MRPL1: variants seen among roughly 807,000 people sequenced by gnomAD.
MRPL1 encodes the protein mitochondrial ribosomal protein L1, also known as large ribosomal subunit protein uL1m.
MRPL1 carries 28 observed loss-of-function variants against 38.0 expected under a neutral mutation model. The ratio of observed to expected loss-of-function variants is 0.74; its 90% CI spans 0.55 to 1.01. The LOEUF is 1.01. Ranked by LOEUF, MRPL1 falls within the 50% of genes least tolerant of loss-of-function variation. The pLI is 0.00. For synonymous variants in MRPL1, 123 were observed against 126.7 expected, an observed-to-expected ratio of 0.97 and a Z score of 0.20; for missense variants, 358 against 389.8, an observed-to-expected ratio of 0.92 and a Z score of 0.69.
intron 5 of MRPL1, among the ~76,000 whole-genome samples, chr4:77,891,489 G>A (rs1735806707): frequency 6.6e-6 from 1 of 151,910 alleles, no homozygotes; most frequent in African/African-American, 2.4e-5. Context: ...CCTAGTAGCT[G>A]GGATTACAGG....
chr4:77,928,009 G>A (rs1228373111), intron 7 of MRPL1, among the ~76,000 whole-genome samples: 1 of 152,142 alleles, frequency 6.6e-6, no homozygotes, highest in Non-Finnish European at 1.5e-5. Context: ...TAAAAGCAAA[G>A]CCTTTGATAT....
chr4:77,890,074 C>T (rs1735772445), intron 5 of MRPL1, among the ~76,000 whole-genome samples: 1 of 152,170 alleles, frequency 6.6e-6, no homozygotes, highest in African/African-American at 2.4e-5. Context: ...GGTACCATTC[C>T]TTCTGAAACT....
At chr4:77,937,300 G>A (rs1440029367) in intron 7 of MRPL1, among the ~76,000 whole-genome samples, 1 of 152,116 alleles carries the variant, frequency 6.6e-6, no homozygotes, top group Non-Finnish European at 1.5e-5. Context: ...CATATCCAAA[G>A]ATTTCCCTTG....
At chr4:77,940,874 C>G (rs565890770) in intron 7 of MRPL1, among the ~76,000 whole-genome samples, 1 of 152,246 alleles carries the variant, frequency 6.6e-6, no homozygotes, top group African/African-American at 2.4e-5. Context: ...TTAAACTATG[C>G]CTGCATCCTG....
intron 1 of MRPL1, among the ~76,000 whole-genome samples, chr4:77,863,831 G>A (rs1735060677): frequency 6.6e-6 from 1 of 152,000 alleles, no homozygotes; most frequent in South Asian, 2.1e-4. Context: ...GTTTAATTTA[G>A]GTAGGTCTTT....
At chr4:77,883,823 G>A (rs553382775) in intron 3 of MRPL1, among the ~76,000 whole-genome samples, 15 of 152,090 alleles carry the variant, frequency 9.9e-5, no homozygotes, top group South Asian at 8.3e-4. Flanking sequence ...AGCACTCTGC[G>A]CTCCTTGGCC....
chr4:77,894,468 C>G (rs1046648755), intron 6 of MRPL1, among the ~76,000 whole-genome samples: 1 of 151,930 alleles, frequency 6.6e-6, no homozygotes, highest in African/African-American at 2.4e-5. Context: ...TTTATAATAC[C>G]AGTTTTTAAA....
chr4:77,927,586 G>C (rs1401855049), intron 7 of MRPL1, among the ~76,000 whole-genome samples: 1 of 151,678 alleles, frequency 6.6e-6, no homozygotes, highest in African/African-American at 2.4e-5. Flanking sequence ...TTCTGTTTCA[G>C]TTTAAAAACT....
intron 7 of MRPL1, among the ~76,000 whole-genome samples, chr4:77,931,159 C>T (rs765331718): frequency 2.0e-5 from 3 of 152,156 alleles, no homozygotes; most frequent in Admixed American, 6.5e-5. Context: ...ACCACTTACC[C>T]TTCATTAAAA....
chr4:77,914,750 A>G (rs1736382737), intron 7 of MRPL1, among the ~76,000 whole-genome samples: 1 of 151,938 alleles, frequency 6.6e-6, no homozygotes, highest in African/African-American at 2.4e-5. Context: ...ATATGTTATG[A>G]CAAATTGATA....
intron 5 of MRPL1, among the ~76,000 whole-genome samples, chr4:77,888,776 G>A (rs375484560): frequency 7.2e-5 from 11 of 151,922 alleles, no homozygotes; most frequent in South Asian, 2.1e-4. Flanking sequence ...GGTTTGTTAC[G>A]TATGTATATA....
At chr4:77,895,528 A>C (rs956030719) in intron 6 of MRPL1, among the ~76,000 whole-genome samples, 1 of 152,116 alleles carries the variant, frequency 6.6e-6, no homozygotes, top group Non-Finnish European at 1.5e-5. Context: ...CTGGTATATT[A>C]TTATTTCAAA....
intron 7 of MRPL1, among the ~76,000 whole-genome samples, chr4:77,931,281 G>C (rs1034550879): frequency 6.6e-6 from 1 of 152,244 alleles, no homozygotes; most frequent in African/African-American, 2.4e-5. Flanking sequence ...ATCATTCTTA[G>C]TGGCTAACCA....
At chr4:77,883,725 G>A (rs943205390) in intron 3 of MRPL1, among the ~76,000 whole-genome samples, 6 of 151,982 alleles carry the variant, frequency 3.9e-5, no homozygotes, top group African/African-American at 1.5e-4. Flanking sequence ...CTACAGGTGT[G>A]TTCTACCACG....
intron 2 of MRPL1, among the ~76,000 whole-genome samples, chr4:77,878,127 G>C (rs1171647880): frequency 2.0e-5 from 3 of 152,180 alleles, no homozygotes. Flanking sequence ...GGGAGACTGT[G>C]GTGGGAACTG....
chr4:77,945,128 A>AATAATTATT lies in MRPL1; in HGVS notation c.778-4667_778-4666insAATTATTAT, dbSNP rs751378508. Among the ~76,000 whole-genome samples the AATAATTATT allele has an allele frequency of 7.8e-5, 11 of 141,092 alleles. No individual in the cohort carries two copies. In the East Asian group the frequency reaches 2.3e-3, roughly 29 times the overall value. The allele number at this position is 141,092 out of a possible 152,430, so 92.6% of individuals were successfully genotyped here. On this transcript the variant is annotated intron_variant, in intron 7 of 8. Transcript: ENST00000315567. ...ACCCAATAAACAGAGCTGCACCATC[A>AATAATTATT]ATTATTATTATTATTATTATTATTA...
intron 7 of MRPL1, among the ~76,000 whole-genome samples, chr4:77,919,066 T>G (rs1736502901): frequency 6.6e-6 from 1 of 152,214 alleles, no homozygotes; most frequent in African/African-American, 2.4e-5. Flanking sequence ...TAAAAATATT[T>G]AGGCAGGTGT....
At chr4:77,938,169 T>C (rs1349695518) in intron 7 of MRPL1, among the ~76,000 whole-genome samples, 1 of 152,238 alleles carries the variant, frequency 6.6e-6, no homozygotes, top group Admixed American at 6.5e-5. Flanking sequence ...ATAACTGTGC[T>C]CATTTATGTA....
At chr4:77,919,944 G>T (rs1206428091) in intron 7 of MRPL1, among the ~76,000 whole-genome samples, 1 of 151,816 alleles carries the variant, frequency 6.6e-6, no homozygotes, top group African/African-American at 2.4e-5. Flanking sequence ...AGCACTTACT[G>T]TAGTTTTCAT....
Sources: allele counts gnomAD v4.1 joint callset (sites outside exome capture counted in the v4.1 genomes callset), GRCh38; gene constraint gnomAD v4.1.1; transcripts MANE v1.5; gene names NCBI Gene and HGNC (gene_info 2026-07-23, HGNC 2026-07-21).